Variants in KCNC2 observed in about 807,000 individuals in gnomAD.
The protein encoded by KCNC2 is voltage-gated potassium channel KCNC2.
Under a neutral mutation model 44.5 loss-of-function variants are expected in KCNC2, and 21 were observed. The observed-to-expected ratio is 0.47, with a 90% CI of 0.33 to 0.68. KCNC2 has a LOEUF of 0.68. KCNC2 is among the 30% of genes least tolerant of loss of function. The probability of loss-of-function intolerance (pLI) is 0.01; values close to 1 mark genes in which losing one functional copy is unlikely to be tolerated. For synonymous variants in KCNC2, 391 were observed against 339.1 expected (o/e 1.15, Z -1.68); for missense variants, 589 against 826.2 (o/e 0.71, Z 3.52).
At chr12:75,172,051 C>G (rs1565910682) in intron 2 of KCNC2, among the ~76,000 whole-genome samples, 2 of 151,734 alleles carry the variant, frequency 1.3e-5, no homozygotes, top group South Asian at 4.1e-4. Context: ...TCACCATACC[C>G]ACCCTCACCC....
intron 2 of KCNC2, among the ~76,000 whole-genome samples, chr12:75,142,376 A>G (rs1371628213): frequency 1.3e-5 from 2 of 152,218 alleles, no homozygotes; most frequent in African/African-American, 2.4e-5. Flanking sequence ...AAGATTTGAA[A>G]ATAAAATAAT....
In KCNC2 at chr12:75,042,783, T is replaced by G. The variant is rs1880057972; in HGVS notation, c.*322A>C. 1.7e-6 allele frequency: 2 copies of G among 1,161,994 alleles called. No homozygotes were observed. The highest frequency in any genetic ancestry group is 2.1e-6 in the Non-Finnish European group (2 of 942,210). 72.0% of individuals were successfully genotyped at this position (1,161,994 alleles called of 1,614,324 possible). A position where few individuals can be genotyped will look rare whatever the true frequency, so the allele number is the denominator to read the frequency against. ...AAGTGGTTGGCATTTGGAAGCACAC[T>G]GTTTTAAATATATCTCCCTGAAGGT... On this transcript the variant is annotated 3_prime_UTR_variant, in exon 5 of 5. Transcript: ENST00000549446.
chr12:75,086,019 A>G (rs1884965360), intron 2 of KCNC2, among the ~76,000 whole-genome samples: 2 of 152,010 alleles, frequency 1.3e-5, no homozygotes, highest in Admixed American at 1.3e-4. Flanking sequence ...TGTCAGTTCT[A>G]AAACTGACAA....
chr12:75,125,508 G>A (rs1308786905), intron 2 of KCNC2, among the ~76,000 whole-genome samples: 1 of 152,140 alleles, frequency 6.6e-6, no homozygotes, highest in Admixed American at 6.5e-5. Flanking sequence ...GAGAAACAGA[G>A]GAGCAGATGG....
chr12:75,110,901 C>G (rs985964063), intron 2 of KCNC2, among the ~76,000 whole-genome samples: 1 of 152,070 alleles, frequency 6.6e-6, no homozygotes, highest in African/African-American at 2.4e-5. Flanking sequence ...GAAGTGGCCA[C>G]TAAAATTCTC....
chr12:75,151,636 C>A (rs1047183457), intron 2 of KCNC2, among the ~76,000 whole-genome samples: 3 of 151,406 alleles, frequency 2.0e-5, no homozygotes, highest in African/African-American at 7.3e-5. Context: ...ATAGATAATA[C>A]AAAAATTTTA....
intron 2 of KCNC2, chr12:75,124,744 C>T (rs1398901855): frequency 6.6e-6 from 1 of 152,136 alleles, no homozygotes; most frequent in African/African-American, 2.4e-5. Flanking sequence ...CAAAATTTAT[C>T]ATTCTTGATA....
At chr12:75,140,688 G>A (rs968159043) in intron 2 of KCNC2, among the ~76,000 whole-genome samples, 1 of 151,150 alleles carries the variant, frequency 6.6e-6, no homozygotes, top group Admixed American at 6.6e-5. Context: ...AAGAATATCT[G>A]ATATATAATG....
chr12:75,208,056 A>G, intron 1 of KCNC2, 54 bp from the exon 2 acceptor site: 2 of 1,589,226 alleles, frequency 1.3e-6, no homozygotes, highest in Non-Finnish European at 1.7e-6. Context: ...TCAAAGACAC[A>G]CCATGACCCC....
At chr12:75,062,757 C>CA (rs1258595216) in intron 2 of KCNC2, among the ~76,000 whole-genome samples, 2 of 151,814 alleles carry the variant, frequency 1.3e-5, no homozygotes, top group Non-Finnish European at 2.9e-5. Flanking sequence ...GATATAGAGA[C>CA]AACAGAAGGA....
chr12:75,149,554 C>T (rs1338414011), intron 2 of KCNC2, among the ~76,000 whole-genome samples: 1 of 151,716 alleles, frequency 6.6e-6, no homozygotes, highest in African/African-American at 2.4e-5. Context: ...AAATGATCAG[C>T]GGATGTGGTA....
At chr12:75,125,428 G>C (rs1182386148) in intron 2 of KCNC2, among the ~76,000 whole-genome samples, 1 of 152,080 alleles carries the variant, frequency 6.6e-6, no homozygotes, top group African/African-American at 2.4e-5. Flanking sequence ...CTTTTTAATA[G>C]AAACTTTTCA....
intron 2 of KCNC2, among the ~76,000 whole-genome samples, chr12:75,144,693 ATTTTAATT>A (rs1889892961): frequency 6.6e-6 from 1 of 152,016 alleles, no homozygotes; most frequent in Non-Finnish European, 1.5e-5. Context: ...TTTCTTCACC[ATTTTAATT>A]TGTCCTTATT....
At chr12:75,146,061 T>A (rs2137433678) in intron 2 of KCNC2, among the ~76,000 whole-genome samples, 1 of 151,752 alleles carries the variant, frequency 6.6e-6, no homozygotes, top group South Asian at 2.1e-4. Context: ...TTCACACCAT[T>A]CTCTTGCCTC....
intron 2 of KCNC2, among the ~76,000 whole-genome samples, chr12:75,197,489 T>G (rs1219635511): frequency 2.0e-5 from 3 of 152,054 alleles, no homozygotes; most frequent in South Asian, 4.1e-4. Flanking sequence ...GGGTCTACAC[T>G]ATATCAATGT....
intron 2 of KCNC2, among the ~76,000 whole-genome samples, chr12:75,157,433 C>A (rs533881587): frequency 6.6e-6 from 1 of 151,978 alleles, no homozygotes; most frequent in African/African-American, 2.4e-5. Context: ...CTTGATGAAT[C>A]AGACAAAAGA....
intron 2 of KCNC2, among the ~76,000 whole-genome samples, chr12:75,189,426 G>C (rs1003099341): frequency 6.6e-6 from 1 of 152,148 alleles, no homozygotes; most frequent in Non-Finnish European, 1.5e-5. Flanking sequence ...GCTTCCCTTG[G>C]AGATGCATTT....
At chr12:75,071,747 T>G (rs1883425294) in intron 2 of KCNC2, among the ~76,000 whole-genome samples, 1 of 151,780 alleles carries the variant, frequency 6.6e-6, no homozygotes, top group Non-Finnish European at 1.5e-5. Context: ...GTCAGGAGTT[T>G]GAGACCAGCC....
intron 2 of KCNC2, among the ~76,000 whole-genome samples, chr12:75,131,410 T>A (rs1024924639): frequency 1.3e-5 from 2 of 152,184 alleles, no homozygotes; most frequent in African/African-American, 4.8e-5. Flanking sequence ...CTTATAGCAG[T>A]AGGCAGAATG....
Sources: allele counts gnomAD v4.1 joint callset (sites outside exome capture counted in the v4.1 genomes callset), GRCh38; gene constraint gnomAD v4.1.1; transcripts MANE v1.5; gene names NCBI Gene and HGNC (gene_info 2026-07-23, HGNC 2026-07-21).